The following EDA variants were observed in gnomAD, a reference collection of about 807,000 sequenced individuals.
The protein encoded by EDA is ectodysplasin A.
In EDA, 2 loss-of-function variants were observed where a neutral mutation model predicts 23.6. That is an observed-to-expected ratio of 0.08 (90% confidence interval 0.03 to 0.27). The LOEUF is 0.27. Ranked by LOEUF, EDA falls within the 10% of genes least tolerant of loss-of-function variation. The probability of loss-of-function intolerance (pLI) is 1.00; values close to 1 mark genes in which losing one functional copy is unlikely to be tolerated. For synonymous variants in EDA, 131 were observed against 132.0 expected (o/e 0.99, Z 0.05); for missense variants, 229 against 324.2 (o/e 0.71, Z 2.26).
At chrX:69,962,180 C>T (rs1261709853) in intron 2 of EDA, among the ~76,000 whole-genome samples, 2 of 111,747 alleles carry the variant, frequency 1.8e-5, no homozygotes, top group African/African-American at 6.5e-5. Context: ...CACCTGCCTG[C>T]CTTCCATGTT....
intron 1 of EDA, among the ~76,000 whole-genome samples, chrX:69,816,013 G>T (rs2147508960): frequency 9.0e-6 from 1 of 111,615 alleles, no homozygotes; most frequent in Admixed American, 9.5e-5. Flanking sequence ...TGTCTTTGCT[G>T]TTTCATGGCC....
intron 1 of EDA, among the ~76,000 whole-genome samples, chrX:69,689,421 G>A (rs1332266768): frequency 9.3e-6 from 1 of 107,631 alleles, no homozygotes; most frequent in Admixed American, 1.0e-4. Context: ...TCAGCCTCCC[G>A]AGTAGCTGGG....
chrX:69,872,281 C>G (rs2017577568), intron 1 of EDA, among the ~76,000 whole-genome samples: 1 of 111,690 alleles, frequency 9.0e-6, no homozygotes, highest in Admixed American at 9.5e-5. Flanking sequence ...TCAAAATACA[C>G]CAAAATAGAA....
intron 2 of EDA, among the ~76,000 whole-genome samples, chrX:70,011,332 CT>C (rs749449651): frequency 1.4e-3 from 138 of 96,629 alleles, no homozygotes; most frequent in Middle Eastern, 5.2e-3. Flanking sequence ...TGCATTTTCG[CT>C]TTTTTTTTTT....
intron 1 of EDA, among the ~76,000 whole-genome samples, chrX:69,735,634 C>A (rs1425010332): frequency 9.0e-6 from 1 of 111,480 alleles, no homozygotes; most frequent in Non-Finnish European, 1.9e-5. Context: ...TGGATTCATA[C>A]ACAGAATTAG....
intron 1 of EDA, among the ~76,000 whole-genome samples, chrX:69,830,616 TAA>T (rs2016585825): frequency 8.9e-6 from 1 of 112,264 alleles, no homozygotes; most frequent in Non-Finnish European, 1.9e-5. Flanking sequence ...TGTAATAACA[TAA>T]GTTACCACTC....
chrX:69,810,805 A>G (rs1266362247), intron 1 of EDA, among the ~76,000 whole-genome samples: 1 of 110,409 alleles, frequency 9.1e-6, no homozygotes, highest in Non-Finnish European at 1.9e-5. Flanking sequence ...ATTTAATTTA[A>G]TCCTTTGGCA....
intron 1 of EDA, among the ~76,000 whole-genome samples, chrX:69,736,423 G>A (rs1369694025): frequency 9.1e-6 from 1 of 110,176 alleles, no homozygotes; most frequent in African/African-American, 3.3e-5. Flanking sequence ...TCCACCTCCC[G>A]GGTTCAAGCA....
chrX:69,988,648 G>A (rs1443129802), intron 2 of EDA, among the ~76,000 whole-genome samples: 1 of 111,499 alleles, frequency 9.0e-6, no homozygotes, highest in Non-Finnish European at 1.9e-5. Context: ...CTGAAGTCAG[G>A]GATTCGAGAC....
At chrX:69,826,275 A>G (rs1038322337) in intron 1 of EDA, among the ~76,000 whole-genome samples, 1 of 110,850 alleles carries the variant, frequency 9.0e-6, no homozygotes, top group African/African-American at 3.3e-5. Flanking sequence ...TGTCTTGTTG[A>G]TCTGTCTAAT....
At position 69,704,987 on chromosome X, in the gene EDA, G is replaced by A. The variant is rs188795816; in HGVS notation, c.396+88283G>A. ...TGTAATCCCAGCACTTTGGGAGGCCGAGGTGGGCCATTCACCTGAGGTCAG... is the reference window on the plus strand; with the variant it reads ...TGTAATCCCAGCACTTTGGGAGGCCAAGGTGGGCCATTCACCTGAGGTCAG... On this transcript the variant is annotated intron_variant, in intron 1 of 7. Coordinates refer to ENST00000374552, the MANE Select transcript of EDA (RefSeq NM_001399.5). 9.5e-3 allele frequency among the ~76,000 whole-genome samples: 1,054 copies of A among 110,463 alleles called. 13 individuals are homozygous for A. The South Asian group carries it at 0.13, about 14-fold the overall frequency.
Position 70,035,801 on chromosome X carries a change from A to G in EDA, c.*192A>G. Reference sequence around the variant, plus strand: ...TGACTTTCCAGAATGACCTTGAGTTAACAGGACAGTTGATGGAGCCCCAGG... The same window carrying G: ...TGACTTTCCAGAATGACCTTGAGTTGACAGGACAGTTGATGGAGCCCCAGG... On this transcript the variant is annotated 3_prime_UTR_variant, in exon 8 of 8. Transcript: ENST00000374552. 2.0e-6 allele frequency: 1 copy of G among 496,881 alleles called. No individual in the cohort carries two copies. Among genetic ancestry groups the G allele is most frequent in the East Asian group, 3.6e-5 (1 of 27,842 alleles). 40.9% of individuals were successfully genotyped at this position (496,881 alleles called of 1,213,427 possible). A position where few individuals can be genotyped will look rare whatever the true frequency, so the allele number is the denominator to read the frequency against.
intron 1 of EDA, among the ~76,000 whole-genome samples, chrX:69,680,616 CTG>C (rs1208135782): frequency 1.6e-5 from 1 of 63,829 alleles, no homozygotes; most frequent in Non-Finnish European, 2.6e-5. Flanking sequence ...GGTTTAAAGT[CTG>C]TTTTATCAGA....
chrX:69,987,249 A>G (rs942580799), intron 2 of EDA, among the ~76,000 whole-genome samples: 1 of 100,942 alleles, frequency 9.9e-6, no homozygotes, highest in Non-Finnish European at 2.0e-5. Flanking sequence ...CAATGTGCAC[A>G]TGTACCCTAA....
At chrX:69,679,863 C>G (rs1242878173) in intron 1 of EDA, among the ~76,000 whole-genome samples, 1 of 107,740 alleles carries the variant, frequency 9.3e-6, no homozygotes, top group African/African-American at 3.4e-5. Flanking sequence ...CTTCTGCTAG[C>G]TTTTGAATGT....
intron 1 of EDA, among the ~76,000 whole-genome samples, chrX:69,784,557 C>T (rs1423275349): frequency 9.9e-6 from 1 of 100,745 alleles, no homozygotes; most frequent in African/African-American, 3.6e-5. Flanking sequence ...GAATCCTTTC[C>T]CCATTGCTTG....
rs981427658 is a variant in EDA at position 69,828,952 on chromosome X, T to C, written c.397-128075T>C. On this transcript the variant is annotated intron_variant, in intron 1 of 7. Coordinates refer to ENST00000374552, the MANE Select transcript of EDA (RefSeq NM_001399.5). ...ATAGCAGTGCCATTTTTATCATTCA[T>C]TTCTCATCTCAAATGCCATCGTTTC... Among the ~76,000 whole-genome samples, 3 of 112,312 alleles carry C rather than the reference T, an allele frequency of 2.7e-5. No individual in the cohort carries two copies. In the Admixed American group the frequency reaches 2.8e-4, roughly 11 times the overall value.
intron 2 of EDA, among the ~76,000 whole-genome samples, chrX:69,978,517 A>G (rs6624453): frequency 7.8e-4 from 81 of 103,277 alleles, no homozygotes; most frequent in Non-Finnish European, 1.3e-3. Context: ...AAAAAAAAAA[A>G]AAAGAAAGAA....
intron 1 of EDA, among the ~76,000 whole-genome samples, chrX:69,710,826 T>C (rs35343883): frequency 0.33 from 35,288 of 107,373 alleles, 5,006 homozygotes; most frequent in Middle Eastern, 0.56. Flanking sequence ...TGCTTGTGAT[T>C]TTTGCACATT....
Sources: gnomAD v4.1 joint callset for allele counts (sites outside exome capture counted in the v4.1 genomes callset) on GRCh38, gnomAD v4.1.1 for gene constraint, MANE v1.5 for transcripts, NCBI Gene and HGNC (gene_info 2026-07-23, HGNC 2026-07-21) for gene names.